Variants in FER1L6 observed in about 807,000 individuals in gnomAD.
FER1L6 encodes the protein fer-1 like family member 6, also known as fer-1-like protein 6.
In FER1L6, 177 loss-of-function variants were observed where a neutral mutation model predicts 219.2. The observed-to-expected ratio is 0.81, with a 90% CI of 0.71 to 0.91. FER1L6 has a LOEUF of 0.91. Among genes scored for constraint, FER1L6 ranks in the 40% least tolerant of loss-of-function variants. The pLI, the probability that FER1L6 is intolerant of heterozygous loss-of-function variation, is 0.00. For missense variants in FER1L6, 2,153 were observed against 2,259.9 expected, an observed-to-expected ratio of 0.95 and a Z score of 0.96; for synonymous variants, 768 against 824.3, an observed-to-expected ratio of 0.93 and a Z score of 1.17.
chr8:124,093,015 G>T (rs1362158663), intron 34 of FER1L6, among the ~76,000 whole-genome samples: 1 of 152,036 alleles, frequency 6.6e-6, no homozygotes, highest in Non-Finnish European at 1.5e-5. Flanking sequence ...GTAGAGTCGG[G>T]GTTTCACCAT....
At chr8:123,924,233 CAAA>C (rs71289625) in intron 1 of FER1L6, among the ~76,000 whole-genome samples, 3,499 of 66,868 alleles carry the variant, frequency 0.052, 121 homozygotes, top group African/African-American at 0.16. Context: ...GACTCAGTAT[CAAA>C]AAAAAAAAAA....
chr8:123,967,597 A>T (rs1202773556), intron 5 of FER1L6, among the ~76,000 whole-genome samples: 4 of 152,206 alleles, frequency 2.6e-5, no homozygotes, highest in Non-Finnish European at 4.4e-5. Context: ...AGTGCACAGG[A>T]GCATTTGCTT....
chr8:124,093,424 T>TA (rs1048410163), intron 34 of FER1L6, among the ~76,000 whole-genome samples: 17 of 151,818 alleles, frequency 1.1e-4, no homozygotes, highest in African/African-American at 4.1e-4. Context: ...GAACCATACA[T>TA]AGGATGGTTT....
At chr8:123,884,429 C>G (rs1817163793) in intron 1 of FER1L6, among the ~76,000 whole-genome samples, 1 of 152,204 alleles carries the variant, frequency 6.6e-6, no homozygotes, top group African/African-American at 2.4e-5. Flanking sequence ...TGTCCCATAA[C>G]TTGGCTGGGG....
chr8:124,079,020 T>G (rs1023772671), intron 32 of FER1L6, among the ~76,000 whole-genome samples: 1 of 152,184 alleles, frequency 6.6e-6, no homozygotes, highest in African/African-American at 2.4e-5. Flanking sequence ...CTTCTGGTGA[T>G]CTGCTGGCAA....
At chr8:123,921,676 T>G (rs1813367745) in intron 1 of FER1L6, among the ~76,000 whole-genome samples, 1 of 151,780 alleles carries the variant, frequency 6.6e-6, no homozygotes, top group African/African-American at 2.4e-5. Context: ...GCCATCCTGA[T>G]GGGTGTGAGG....
chr8:123,906,941 CCTGTGGACAAAGT>C (rs1812965560), intron 1 of FER1L6, among the ~76,000 whole-genome samples: 1 of 152,132 alleles, frequency 6.6e-6, no homozygotes, highest in African/African-American at 2.4e-5. Flanking sequence ...TATTCTGTAA[CCTGTGGACAAAGT>C]CAGGGCCTGG....
chr8:123,983,943 A>G (rs895065687), intron 11 of FER1L6, among the ~76,000 whole-genome samples: 1 of 152,192 alleles, frequency 6.6e-6, no homozygotes, highest in African/African-American at 2.4e-5. Flanking sequence ...TTCAGGATAT[A>G]GTGTGGGCAA....
In FER1L6 at chr8:124,103,225, T is replaced by C; in HGVS notation, c.5205T>C (p.Asn1735=). The change falls in exon 39 of 41, where the codon AAT becomes AAC. Residue 1735 remains asparagine (N), a synonymous_variant. Transcript: ENST00000522917. ...CCTGTGATCTTGCCAAGTTTGAAAA[T>C]GCAAGTGAGGAGACCAAGATCTCTA... The part of the protein sequence containing the change: ...AKACDLAKFE[N]ASEETKISIF... The C allele has an allele frequency of 3.1e-6, 5 of 1,614,022 alleles. No individual in the cohort carries two copies. Among genetic ancestry groups the C allele is most frequent in the Non-Finnish European group, 4.2e-6 (5 of 1,179,974 alleles).
At chr8:124,062,595 C>T (rs1820635777) in intron 25 of FER1L6, among the ~76,000 whole-genome samples, 1 of 152,112 alleles carries the variant, frequency 6.6e-6, no homozygotes, top group Non-Finnish European at 1.5e-5. Context: ...AAGCTCTATC[C>T]ATATTGCTGT....
rs576477323 is a variant in FER1L6 at position 123,998,429 on chromosome 8, C to A, written c.1520-4738C>A. ...CTCTCTCTCTCTCTCTCTCTCTGTA[C>A]TGAGTTGCCTGGAGCTGGGGGAGGG... On this transcript the variant is annotated intron_variant, in intron 12 of 40. Transcript: ENST00000522917. 2.5e-3 allele frequency among the ~76,000 whole-genome samples: 183 copies of A among 74,668 alleles called. 1 individual carries two copies. Among genetic ancestry groups the A allele is most frequent in the Middle Eastern group, 0.012 (1 of 82 alleles). The allele number at this position is 74,668 out of a possible 152,430, so 49.0% of individuals were successfully genotyped here. A position where few individuals can be genotyped will look rare whatever the true frequency, so the allele number is the denominator to read the frequency against.
intron 39 of FER1L6, among the ~76,000 whole-genome samples, chr8:124,107,195 G>A (rs1416190443): frequency 6.6e-6 from 1 of 152,006 alleles, no homozygotes; most frequent in African/African-American, 2.4e-5. Flanking sequence ...TGATCCGCCC[G>A]CCTCAGCCTC....
At position 124,010,167 on chromosome 8, in the gene FER1L6, T is replaced by C. The variant is rs1021151801; in HGVS notation, c.1701-427T>C. 1.5e-4 allele frequency among the ~76,000 whole-genome samples: 23 copies of C among 151,872 alleles called. No individual in the cohort carries two copies. In the East Asian group the frequency reaches 4.3e-3, roughly 28 times the overall value. Reference sequence around the variant, plus strand: ...GCAGATCCAGGCAGGAGCAATGTCGTTGTAGTTCAAGGGTTCGGAAGCTGG... The same window carrying C: ...GCAGATCCAGGCAGGAGCAATGTCGCTGTAGTTCAAGGGTTCGGAAGCTGG... On this transcript the variant is annotated intron_variant, in intron 13 of 40. Coordinates refer to ENST00000522917, the MANE Select transcript of FER1L6 (RefSeq NM_001039112.2).
intron 22 of FER1L6, among the ~76,000 whole-genome samples, chr8:124,057,278 T>A (rs1292613373): frequency 2.0e-5 from 3 of 152,206 alleles, no homozygotes; most frequent in Non-Finnish European, 4.4e-5. Flanking sequence ...CAGCTGAAGG[T>A]ATTATTCCAT....
At chr8:124,026,671 C>G (rs1200106609) in intron 18 of FER1L6, among the ~76,000 whole-genome samples, 1 of 151,842 alleles carries the variant, frequency 6.6e-6, no homozygotes, top group African/African-American at 2.4e-5. Flanking sequence ...TAAATAGCCT[C>G]TAAATGCTGT....
chr8:124,052,820 A>C (rs1820113396), intron 22 of FER1L6, among the ~76,000 whole-genome samples: 1 of 152,188 alleles, frequency 6.6e-6, no homozygotes, highest in East Asian at 1.9e-4. Flanking sequence ...AACAAAAAAA[A>C]CAGCATCACA....
chr8:123,907,777 C>T (rs1056584082), intron 1 of FER1L6, among the ~76,000 whole-genome samples: 1 of 76,172 alleles, frequency 1.3e-5, no homozygotes, highest in Non-Finnish European at 2.7e-5. Context: ...CCAATTTCTC[C>T]TCAATACTGA....
chr8:124,004,087 AC>A (rs1817548495), intron 13 of FER1L6: 1 of 148,152 alleles, frequency 6.7e-6, no homozygotes, highest in Non-Finnish European at 1.5e-5. Context: ...CTTATTTTTG[AC>A]ACAGTCATTT....
rs548802022 is a variant in FER1L6, at chr8:123,939,029, C to A, written c.-7-16963C>A. The A allele has an allele frequency of 1.5e-5, 6 of 389,550 alleles. No individual in the cohort carries two copies. The South Asian group carries it at 6.3e-4, about 41-fold the overall frequency. 24.1% of individuals were successfully genotyped at this position (389,550 alleles called of 1,614,324 possible). ...TGCCTGCTTTTCAGCAATTGCATTG[C>A]ACATTCATCTGAGCATAGCAAGGGA... On this transcript the variant is annotated intron_variant, in intron 1 of 40. Coordinates refer to ENST00000522917, the MANE Select transcript of FER1L6 (RefSeq NM_001039112.2).
Sources: gnomAD v4.1 joint callset for allele counts (sites outside exome capture counted in the v4.1 genomes callset) on GRCh38, gnomAD v4.1.1 for gene constraint, MANE v1.5 for transcripts, NCBI Gene and HGNC (gene_info 2026-07-23, HGNC 2026-07-21) for gene names.